CCDC60: variants seen among roughly 807,000 people sequenced by gnomAD.
CCDC60 encodes coiled-coil domain-containing protein 60.
In CCDC60, 54 loss-of-function variants were observed where a neutral mutation model predicts 63.5. The observed-to-expected ratio is 0.85, with a 90% CI of 0.68 to 1.07. The LOEUF (loss-of-function observed/expected upper bound fraction) is 1.07. Ranked by LOEUF, CCDC60 falls within the 50% of genes least tolerant of loss-of-function variation. The pLI, the probability that CCDC60 is intolerant of heterozygous loss-of-function variation, is 0.00. For synonymous variants in CCDC60, 206 were observed against 238.8 expected, an observed-to-expected ratio of 0.86 and a Z score of 1.27; for missense variants, 651 against 684.3, an observed-to-expected ratio of 0.95 and a Z score of 0.54.
At chr12:119,532,897 T>G (rs563096868) in intron 13 of CCDC60, among the ~76,000 whole-genome samples, 88 of 152,324 alleles carry the variant, frequency 5.8e-4, no homozygotes, top group African/African-American at 2.1e-3. Flanking sequence ...TGTGTCTTTA[T>G]AGTAGAAAGA....
chr12:119,523,803 T>C lies in CCDC60; in HGVS notation c.1214T>C (p.Met405Thr), dbSNP rs770253612. The C allele has an allele frequency of 2.0e-5, 32 of 1,614,040 alleles. No individual in the cohort carries two copies. Among genetic ancestry groups the C allele is most frequent in the Middle Eastern group, 1.6e-4 (1 of 6,084 alleles). The change falls in exon 11 of 14, where the codon ATG (methionine) becomes ACG (threonine). Residue 405 changes from methionine (M) to threonine (T), a missense_variant. Transcript: ENST00000327554. The stretch of plus-strand genomic sequence containing the variant: ...GCTGGCTTCTGCCTGCAGGACAAGA[T>C]GGAAATCCTCATGAAGTAAGCGCAC... ...QEAGFCLQDK[M>T]EILMKRQEER... is the part of the protein sequence containing the mutation.
chr12:119,399,245 C>T (rs115874144), intron 1 of CCDC60, among the ~76,000 whole-genome samples: 169 of 152,276 alleles, frequency 1.1e-3, no homozygotes, highest in East Asian at 4.8e-3. Context: ...AGACTGGGGT[C>T]ACCCTCTTAG....
intron 1 of CCDC60, among the ~76,000 whole-genome samples, chr12:119,346,569 G>A (rs1259865746): frequency 4.6e-5 from 7 of 152,168 alleles, no homozygotes; most frequent in Non-Finnish European, 8.8e-5. Context: ...TGTTTAAAAA[G>A]CCTCTGGAAG....
chr12:119,494,829 A>C lies in CCDC60; in HGVS notation c.558-5249A>C, dbSNP rs1951683279. Among the ~76,000 whole-genome samples the C allele has an allele frequency of 2.0e-5, 3 of 151,822 alleles. No homozygotes were observed. The South Asian group carries it at 6.3e-4, about 32-fold the overall frequency. Reference sequence around the variant, plus strand: ...AACCCCATCTCTACTAAAAATACAAAATTAGCCAGGCTTGGTGGCACATGC... The same window carrying C: ...AACCCCATCTCTACTAAAAATACAACATTAGCCAGGCTTGGTGGCACATGC... On this transcript the variant is annotated intron_variant, in intron 5 of 13. Coordinates refer to ENST00000327554, the MANE Select transcript of CCDC60 (RefSeq NM_178499.5).
At chr12:119,391,129 G>A (rs1956150434) in intron 1 of CCDC60, among the ~76,000 whole-genome samples, 1 of 152,172 alleles carries the variant, frequency 6.6e-6, no homozygotes, top group South Asian at 2.1e-4. Flanking sequence ...CCAAATTCAA[G>A]AAGCATCAGA....
At chr12:119,463,206 A>G (rs1950891105) in intron 2 of CCDC60, among the ~76,000 whole-genome samples, 2 of 152,210 alleles carry the variant, frequency 1.3e-5, no homozygotes, top group East Asian at 1.9e-4. Flanking sequence ...CTTCCAATCC[A>G]TGAGAGAATC....
At chr12:119,528,510 C>A in intron 11 of CCDC60, 105 bp from the exon 12 acceptor site, 2 of 1,288,784 alleles carry the variant, frequency 1.6e-6, no homozygotes, top group Non-Finnish European at 1.1e-6. Flanking sequence ...TTAAGAAAAG[C>A]CTCATGAAGG....
chr12:119,360,615 G>T (rs1282786847), intron 1 of CCDC60, among the ~76,000 whole-genome samples: 1 of 151,972 alleles, frequency 6.6e-6, no homozygotes, highest in Non-Finnish European at 1.5e-5. Flanking sequence ...TCCCAAACAG[G>T]GCGGCGGGGC....
At chr12:119,381,216 C>T (rs1190792306) in intron 1 of CCDC60, among the ~76,000 whole-genome samples, 5 of 152,298 alleles carry the variant, frequency 3.3e-5, no homozygotes, top group African/African-American at 1.2e-4. Context: ...AAGTGTATTT[C>T]CTACAATATT....
At chr12:119,365,154 C>T (rs1427162812) in intron 1 of CCDC60, among the ~76,000 whole-genome samples, 1 of 152,168 alleles carries the variant, frequency 6.6e-6, no homozygotes, top group African/African-American at 2.4e-5. Flanking sequence ...TCCCAGGTGA[C>T]AGCATTAGTG....
At chr12:119,447,059 C>T (rs1950556377) in intron 2 of CCDC60, among the ~76,000 whole-genome samples, 1 of 152,138 alleles carries the variant, frequency 6.6e-6, no homozygotes, top group South Asian at 2.1e-4. Context: ...AAGGGAATAG[C>T]TTTCATACTG....
chr12:119,528,707 C>A lies in CCDC60; in HGVS notation c.1322C>A (p.Ser441Tyr). 6.2e-7 allele frequency: 1 copy of A among 1,613,998 alleles called. No individual in the cohort carries two copies. The highest frequency in any genetic ancestry group is 1.7e-5 in the Admixed American group (1 of 60,016). Residue 441 changes from serine to tyrosine, a missense_variant, in exon 12 of 14, where the codon TCT becomes TAT. Transcript: ENST00000327554. ...KDIAKMRHHI[S>Y]VVKGDAEEIA... is the part of the protein sequence containing the mutation. ...ATAGCAAAAATGAGACATCACATAT[C>A]TGTAGTAAAAGGAGATGCAGAAGAA...
chr12:119,431,051 T>C (rs1277478436), intron 2 of CCDC60, among the ~76,000 whole-genome samples: 9 of 152,258 alleles, frequency 5.9e-5, no homozygotes, highest in Non-Finnish European at 2.9e-5. Context: ...TCTGTTAGTT[T>C]CAGACATACT....
chr12:119,521,277 T>C (rs1302416883), intron 9 of CCDC60, among the ~76,000 whole-genome samples: 1 of 152,210 alleles, frequency 6.6e-6, no homozygotes, highest in Non-Finnish European at 1.5e-5. Flanking sequence ...GAAAGTTAGT[T>C]CAACTAAAGA....
chr12:119,458,999 C>T (rs1002934480), intron 2 of CCDC60, among the ~76,000 whole-genome samples: 3 of 152,130 alleles, frequency 2.0e-5, no homozygotes, highest in South Asian at 2.1e-4. Context: ...CCACCTCCGT[C>T]GGCCGCCCAA....
rs990525921 is a variant in CCDC60, at chr12:119,353,076, G to A, written c.90+17810G>A. 3.3e-5 allele frequency among the ~76,000 whole-genome samples: 5 copies of A among 152,120 alleles called. No homozygotes were observed. The East Asian group carries it at 5.8e-4, about 18-fold the overall frequency. ...AGGAGCATTTGAGAGGGTGGAGTGG[G>A]GGTGAGGGGGTTATGACACTGTTCA... On this transcript the variant is annotated intron_variant, in intron 1 of 13. Transcript: ENST00000327554.
intron 1 of CCDC60, among the ~76,000 whole-genome samples, chr12:119,358,515 C>A (rs935017762): frequency 6.6e-6 from 1 of 152,156 alleles, no homozygotes. Flanking sequence ...ATTACCCAGT[C>A]TCAAGTAGTC....
At chr12:119,336,917 A>G (rs1955477473) in intron 1 of CCDC60, among the ~76,000 whole-genome samples, 1 of 152,184 alleles carries the variant, frequency 6.6e-6, no homozygotes, top group African/African-American at 2.4e-5. Flanking sequence ...TTGTTATTGT[A>G]TCCTCAAACC....
intron 13 of CCDC60, among the ~76,000 whole-genome samples, chr12:119,535,801 CT>C (rs1952984809): frequency 6.6e-6 from 1 of 152,162 alleles, no homozygotes; most frequent in African/African-American, 2.4e-5. Flanking sequence ...AATTTCTGCT[CT>C]TTTACATTTG....
Sources: allele counts gnomAD v4.1 joint callset (sites outside exome capture counted in the v4.1 genomes callset), GRCh38; gene constraint gnomAD v4.1.1; transcripts MANE v1.5; gene names NCBI Gene and HGNC (gene_info 2026-07-23, HGNC 2026-07-21).